ARHGAP24: variants seen among roughly 807,000 people sequenced by gnomAD.
ARHGAP24 encodes the protein rho GTPase-activating protein 24.
A neutral mutation model predicts 76.4 loss-of-function variants in ARHGAP24; 50 were observed. That is an observed-to-expected ratio of 0.65 (90% CI 0.52 to 0.83). The LOEUF is 0.83. Ranked by LOEUF, ARHGAP24 falls within the 40% of genes least tolerant of loss-of-function variation. The pLI is 0.00. For missense variants in ARHGAP24, 930 were observed against 914.2 expected (o/e 1.02, Z -0.22); for synonymous variants, 345 against 323.3 (o/e 1.07, Z -0.72).
intron 3 of ARHGAP24, among the ~76,000 whole-genome samples, chr4:85,848,262 C>T (rs1731000726): frequency 6.6e-6 from 1 of 152,058 alleles, no homozygotes; most frequent in South Asian, 2.1e-4. Flanking sequence ...TATACATGTG[C>T]CATGTTGGTT....
chr4:85,678,103 C>G (rs980366920), intron 2 of ARHGAP24, among the ~76,000 whole-genome samples: 3 of 151,884 alleles, frequency 2.0e-5, no homozygotes, highest in Non-Finnish European at 4.4e-5. Context: ...GCCATGGTAA[C>G]TCATGCCTGA....
intron 2 of ARHGAP24, among the ~76,000 whole-genome samples, chr4:85,587,782 G>A (rs1257103416): frequency 6.6e-6 from 1 of 152,050 alleles, no homozygotes; most frequent in African/African-American, 2.4e-5. Flanking sequence ...ATTTATTCAT[G>A]AATAGATTTA....
intron 1 of ARHGAP24, among the ~76,000 whole-genome samples, chr4:85,563,389 T>C (rs539963344): frequency 6.6e-6 from 1 of 152,326 alleles, no homozygotes; most frequent in Non-Finnish European, 1.5e-5. Context: ...TGAAGCCTCT[T>C]TTCTTGGCTT....
rs141000116 is a variant in ARHGAP24 at position 85,608,141 on chromosome 4, T to C, written c.180+37420T>C. 8.4e-3 allele frequency among the ~76,000 whole-genome samples: 1,275 copies of C among 152,260 alleles called. 20 individuals carry two copies. Among genetic ancestry groups the C allele is most frequent in the African/African-American group, 0.029 (1,217 of 41,534 alleles). ...TAATGAATGAGCAGAAAGTGTCTTA[T>C]TCAAGTGTATGCTCAAAAATATGAA... On this transcript the variant is annotated intron_variant, in intron 2 of 9. Coordinates refer to ENST00000395184, the MANE Select transcript of ARHGAP24 (RefSeq NM_001025616.3).
intron 2 of ARHGAP24, among the ~76,000 whole-genome samples, chr4:85,664,211 G>T (rs932316156): frequency 6.6e-6 from 1 of 151,450 alleles, no homozygotes; most frequent in African/African-American, 2.5e-5. Context: ...TCTATTCAGA[G>T]ATTCAACTTC....
At chr4:85,562,827 G>A (rs189322323) in intron 1 of ARHGAP24, among the ~76,000 whole-genome samples, 406 of 152,282 alleles carry the variant, frequency 2.7e-3, no homozygotes, top group Non-Finnish European at 4.1e-3. Context: ...AATAGGCTTT[G>A]CCACATTTAG....
intron 3 of ARHGAP24, among the ~76,000 whole-genome samples, chr4:85,748,021 T>C (rs1384218516): frequency 6.6e-6 from 1 of 152,214 alleles, no homozygotes; most frequent in African/African-American, 2.4e-5. Context: ...TGTTTGGCTG[T>C]GTGGAAGTAG....
At chr4:85,853,926 C>G (rs2110166766) in intron 3 of ARHGAP24, among the ~76,000 whole-genome samples, 1 of 151,826 alleles carries the variant, frequency 6.6e-6, no homozygotes, top group African/African-American at 2.4e-5. Flanking sequence ...TGCACTCCAG[C>G]CTGGCACAGA....
chr4:85,954,435 CCTT>C (rs1193239682), intron 5 of ARHGAP24, among the ~76,000 whole-genome samples: 1 of 152,190 alleles, frequency 6.6e-6, no homozygotes, highest in Non-Finnish European at 1.5e-5. Flanking sequence ...AATTTAAGCT[CCTT>C]GAGGGCAGGA....
intron 5 of ARHGAP24, chr4:85,942,528 G>A (rs1334582929): frequency 7.3e-6 from 3 of 412,920 alleles, no homozygotes; most frequent in Admixed American, 7.8e-5. Flanking sequence ...AAGTAAAACT[G>A]TATTAAACTT....
At chr4:85,866,957 C>T (rs1732233795) in intron 3 of ARHGAP24, among the ~76,000 whole-genome samples, 1 of 151,978 alleles carries the variant, frequency 6.6e-6, no homozygotes, top group South Asian at 2.1e-4. Flanking sequence ...TTCATTAAAC[C>T]CTCCATGAGT....
At chr4:85,744,481 A>G (rs1208744434) in intron 3 of ARHGAP24, among the ~76,000 whole-genome samples, 2 of 152,246 alleles carry the variant, frequency 1.3e-5, no homozygotes, top group African/African-American at 4.8e-5. Flanking sequence ...GCAAAAAATT[A>G]GTACTCTTGG....
intron 2 of ARHGAP24, among the ~76,000 whole-genome samples, chr4:85,715,724 A>G (rs1165154355): frequency 2.6e-5 from 4 of 152,026 alleles, no homozygotes; most frequent in Non-Finnish European, 5.9e-5. Context: ...TTTCCTTTTC[A>G]TAACAGGGCC....
intron 4 of ARHGAP24, 117 bp downstream of exon 4, chr4:85,923,887 A>G (rs1735874317): frequency 1.4e-6 from 2 of 1,436,324 alleles, no homozygotes; most frequent in South Asian, 1.2e-5. Flanking sequence ...GTTAAAATAA[A>G]TTGTAAATTG....
At position 86,001,856 on chromosome 4, in the gene ARHGAP24, G is replaced by A. The variant is rs1231099973; in HGVS notation, c.*1134G>A. On this transcript the variant is annotated 3_prime_UTR_variant, in exon 10 of 10. Transcript: ENST00000395184. ...GCAAGAAGATAGTGGGAGGGGGCCA[G>A]GCTGCAGGAGAAGGAGAAAAGTTTA... The A allele has an allele frequency of 6.2e-6, 1 of 161,104 alleles. No individual in the cohort carries two copies. The highest frequency in any genetic ancestry group is 1.3e-5 in the Non-Finnish European group (1 of 74,254). 10.0% of individuals were successfully genotyped at this position (161,104 alleles called of 1,614,324 possible).
intron 3 of ARHGAP24, among the ~76,000 whole-genome samples, chr4:85,767,100 A>G (rs1726955981): frequency 6.6e-6 from 1 of 152,138 alleles, no homozygotes; most frequent in Non-Finnish European, 1.5e-5. Flanking sequence ...AGGCTATACT[A>G]TCTAAGTTTG....
At chr4:85,756,436 C>T (rs1358611205) in intron 3 of ARHGAP24, among the ~76,000 whole-genome samples, 1 of 152,134 alleles carries the variant, frequency 6.6e-6, no homozygotes, top group Non-Finnish European at 1.5e-5. Context: ...AATTTTAGGG[C>T]ATTAGTAACT....
intron 2 of ARHGAP24, among the ~76,000 whole-genome samples, chr4:85,640,997 A>T (rs1721498692): frequency 7.4e-6 from 1 of 134,890 alleles, no homozygotes; most frequent in Admixed American, 7.5e-5. Flanking sequence ...TTAAGTTATT[A>T]ATTAAAATAA....
chr4:85,596,665 G>A (rs1004911120), intron 2 of ARHGAP24, among the ~76,000 whole-genome samples: 2 of 151,784 alleles, frequency 1.3e-5, no homozygotes, highest in South Asian at 4.1e-4. Context: ...CAAATCCAAG[G>A]GACTGAAATC....
Sources: gnomAD v4.1 joint callset for allele counts (sites outside exome capture counted in the v4.1 genomes callset) on GRCh38, gnomAD v4.1.1 for gene constraint, MANE v1.5 for transcripts, NCBI Gene and HGNC (gene_info 2026-07-23, HGNC 2026-07-21) for gene names.